The following DLGAP1 variants were observed in gnomAD, a reference collection of about 807,000 sequenced individuals.
DLGAP1 encodes the protein disks large-associated protein 1.
DLGAP1 carries 11 observed loss-of-function variants against 90.8 expected under a neutral mutation model. The observed-to-expected ratio is 0.12, with a 90% CI of 0.08 to 0.20. DLGAP1 has a LOEUF of 0.20. Ranked by LOEUF, DLGAP1 falls within the 10% of genes least tolerant of loss-of-function variation. The pLI, the probability that DLGAP1 is intolerant of heterozygous loss-of-function variation, is 1.00. For missense variants in DLGAP1, 1,050 were observed against 1,333.8 expected (o/e 0.79, Z 3.31); for synonymous variants, 558 against 540.7 (o/e 1.03, Z -0.44).
At chr18:3,601,651 T>C (rs1317115056) in intron 7 of DLGAP1, among the ~76,000 whole-genome samples, 7 of 151,936 alleles carry the variant, frequency 4.6e-5, no homozygotes, top group Admixed American at 4.6e-4. Context: ...GAGACCAGCC[T>C]GACCAACATG....
At chr18:3,911,275 C>G (rs2072027916) in intron 3 of DLGAP1, among the ~76,000 whole-genome samples, 1 of 152,032 alleles carries the variant, frequency 6.6e-6, no homozygotes, top group Admixed American at 6.6e-5. Context: ...CAACTGTAAT[C>G]AATAAAATTT....
At chr18:4,166,749 T>C (rs536275385) in intron 1 of DLGAP1, among the ~76,000 whole-genome samples, 31 of 152,312 alleles carry the variant, frequency 2.0e-4, no homozygotes, top group African/African-American at 4.8e-5. Context: ...TGCTGCAACA[T>C]TGATGAACTA....
At chr18:3,600,370 C>T (rs1355661012) in intron 7 of DLGAP1, among the ~76,000 whole-genome samples, 2 of 152,006 alleles carry the variant, frequency 1.3e-5, no homozygotes, top group East Asian at 3.9e-4. Flanking sequence ...ATTCTCCTGC[C>T]TCAGCCTCCC....
chr18:4,323,462 C>G (rs1023200137), intron 1 of DLGAP1, among the ~76,000 whole-genome samples: 1 of 152,138 alleles, frequency 6.6e-6, no homozygotes, highest in Non-Finnish European at 1.5e-5. Flanking sequence ...AATCAGTGTG[C>G]TGAAGAGGCA....
At chr18:3,739,375 C>A (rs562054449) in intron 6 of DLGAP1, among the ~76,000 whole-genome samples, 90 of 144,218 alleles carry the variant, frequency 6.2e-4, no homozygotes, top group African/African-American at 2.3e-3. Context: ...TGGAACCAAC[C>A]CAAATGTCCA....
In DLGAP1 at chr18:4,067,143, T is replaced by C. The variant is rs367607301; in HGVS notation, c.-158-61942A>G. On this transcript the variant is annotated intron_variant, in intron 2 of 12. Transcript: ENST00000315677. ...TAAATGATGAGAACACATGGACACA[T>C]AGTGGGGAACAACAGACACTGGGCC... is the stretch of plus-strand genomic sequence containing the variant. Among the ~76,000 whole-genome samples the C allele has an allele frequency of 6.1e-4, 93 of 151,904 alleles. 2 individuals are homozygous for C. In the South Asian group the frequency reaches 0.016, roughly 27 times the overall value.
intron 7 of DLGAP1, among the ~76,000 whole-genome samples, chr18:3,663,520 A>T (rs116808680): frequency 0.012 from 1,861 of 152,238 alleles, 39 homozygotes; most frequent in African/African-American, 0.043. Context: ...ATGAAGGAAA[A>T]GATGCTCTGC....
intron 1 of DLGAP1, among the ~76,000 whole-genome samples, chr18:4,369,284 CAT>C (rs1289835311): frequency 6.7e-6 from 1 of 148,880 alleles, no homozygotes; most frequent in Non-Finnish European, 1.5e-5. Context: ...TGTATACATG[CAT>C]ATGAGTGTGC....
At chr18:3,787,360 A>G (rs1598745780) in intron 5 of DLGAP1, among the ~76,000 whole-genome samples, 1 of 152,024 alleles carries the variant, frequency 6.6e-6, no homozygotes, top group East Asian at 1.9e-4. Flanking sequence ...GGGCACCTGT[A>G]GTCCCAGCTA....
chr18:3,500,371 T>C (rs1431151009), intron 12 of DLGAP1, among the ~76,000 whole-genome samples: 1 of 152,170 alleles, frequency 6.6e-6, no homozygotes, highest in Non-Finnish European at 1.5e-5. Flanking sequence ...ATAAAACTGA[T>C]GTTTTCATTT....
At chr18:3,664,237 C>T (rs899955827) in intron 7 of DLGAP1, among the ~76,000 whole-genome samples, 2 of 150,092 alleles carry the variant, frequency 1.3e-5, no homozygotes, top group Admixed American at 6.6e-5. Context: ...CACACACACA[C>T]GGATATACTA....
chr18:3,594,836 G>T (rs2056485662), intron 7 of DLGAP1, among the ~76,000 whole-genome samples: 1 of 152,144 alleles, frequency 6.6e-6, no homozygotes, highest in South Asian at 2.1e-4. Flanking sequence ...GGGTGGGACT[G>T]GCATTTTCCA....
At chr18:4,023,438 T>C (rs147686921) in intron 2 of DLGAP1, among the ~76,000 whole-genome samples, 2,078 of 152,366 alleles carry the variant, frequency 0.014, 15 homozygotes, top group Middle Eastern at 0.031. Context: ...ATTTGCCATG[T>C]AATCACAGCT....
intron 1 of DLGAP1, among the ~76,000 whole-genome samples, chr18:4,182,062 A>G (rs1484058618): frequency 1.3e-5 from 2 of 152,112 alleles, no homozygotes; most frequent in African/African-American, 4.8e-5. Context: ...CCAAAGCAGG[A>G]GTCGGGAAAG....
intron 3 of DLGAP1, among the ~76,000 whole-genome samples, chr18:3,996,111 G>T (rs1009578254): frequency 1.3e-5 from 2 of 151,936 alleles, no homozygotes; most frequent in Non-Finnish European, 2.9e-5. Flanking sequence ...TCGAATTTGG[G>T]GAAAACAGTA....
chr18:4,366,704 T>C (rs1567865001), intron 1 of DLGAP1, among the ~76,000 whole-genome samples: 1 of 150,624 alleles, frequency 6.6e-6, no homozygotes, highest in East Asian at 1.9e-4. Context: ...CCAACGTCCA[T>C]GGAAAAAAAA....
intron 1 of DLGAP1, among the ~76,000 whole-genome samples, chr18:4,204,515 T>TTTTTG (rs1405990891): frequency 1.3e-5 from 2 of 151,622 alleles, no homozygotes; most frequent in African/African-American, 4.8e-5. Flanking sequence ...GTGGTTTTTT[T>TTTTTG]TTTGTTTTTG....
At chr18:3,740,497 T>C (rs1246089737) in intron 6 of DLGAP1, among the ~76,000 whole-genome samples, 1 of 152,148 alleles carries the variant, frequency 6.6e-6, no homozygotes, top group African/African-American at 2.4e-5. Context: ...TACTCTGCCC[T>C]TGGAGCCTGC....
At chr18:4,321,861 G>T (rs2080694230) in intron 1 of DLGAP1, among the ~76,000 whole-genome samples, 1 of 152,088 alleles carries the variant, frequency 6.6e-6, no homozygotes, top group Non-Finnish European at 1.5e-5. Context: ...GTTGTCTCAA[G>T]CAAAAAGAAC....
Sources: allele counts gnomAD v4.1 joint callset (sites outside exome capture counted in the v4.1 genomes callset), GRCh38; gene constraint gnomAD v4.1.1; transcripts MANE v1.5; gene names NCBI Gene and HGNC (gene_info 2026-07-23, HGNC 2026-07-21).